Variants in RIT2 observed in about 807,000 individuals in gnomAD.
RIT2 encodes the protein GTP-binding protein Rit2.
RIT2 carries 24 observed loss-of-function variants against 23.7 expected under a neutral mutation model. The ratio of observed to expected loss-of-function variants is 1.01; its 90% CI spans 0.73 to 1.43. RIT2 has a LOEUF of 1.43. Among genes scored for constraint, RIT2 ranks in the 40% most tolerant of loss-of-function variants. The pLI is 0.00. For synonymous variants in RIT2, 107 were observed against 91.1 expected (o/e 1.17, Z -0.99); for missense variants, 236 against 266.9 (o/e 0.88, Z 0.81).
intron 1 of RIT2, among the ~76,000 whole-genome samples, chr18:43,081,587 C>G (rs1913159154): frequency 6.6e-6 from 1 of 152,096 alleles, no homozygotes; most frequent in South Asian, 2.1e-4. Flanking sequence ...CATGCCTCAT[C>G]CTTCCTGTTT....
At chr18:42,924,821 T>C (rs1342704125) in intron 3 of RIT2, among the ~76,000 whole-genome samples, 2 of 152,094 alleles carry the variant, frequency 1.3e-5, no homozygotes, top group Non-Finnish European at 2.9e-5. Flanking sequence ...TAAATGTCAA[T>C]TTGATTTACG....
chr18:42,983,030 T>A (rs1910631365), intron 2 of RIT2, among the ~76,000 whole-genome samples: 2 of 151,934 alleles, frequency 1.3e-5, no homozygotes, highest in African/African-American at 4.8e-5. Flanking sequence ...AATTCCACAA[T>A]ATAATGAATA....
chr18:42,997,440 C>G (rs138896475), intron 2 of RIT2, among the ~76,000 whole-genome samples: 1 of 148,676 alleles, frequency 6.7e-6, no homozygotes. Flanking sequence ...AAAAAAGGAA[C>G]GAAAGAAAGA....
At chr18:42,861,513 A>G (rs1193982486) in intron 4 of RIT2, among the ~76,000 whole-genome samples, 2 of 152,190 alleles carry the variant, frequency 1.3e-5, no homozygotes, top group African/African-American at 4.8e-5. Context: ...CTGTCATGAC[A>G]TCACCAACTA....
intron 4 of RIT2, among the ~76,000 whole-genome samples, chr18:42,862,319 C>T (rs562288564): frequency 1.1e-4 from 17 of 152,244 alleles, no homozygotes; most frequent in Middle Eastern, 3.4e-3. Flanking sequence ...CCTTGCCTTC[C>T]GCCATGATTG....
intron 4 of RIT2, among the ~76,000 whole-genome samples, chr18:42,768,052 A>C (rs1913467675): frequency 6.6e-6 from 1 of 151,994 alleles, no homozygotes; most frequent in African/African-American, 2.4e-5. Context: ...ACATGTATAT[A>C]TGTAGTAATA....
chr18:42,769,034 C>T (rs746924075), intron 4 of RIT2, among the ~76,000 whole-genome samples: 1 of 152,142 alleles, frequency 6.6e-6, no homozygotes, highest in African/African-American at 2.4e-5. Context: ...TAGCTTCTGA[C>T]CTAAACAGGC....
At chr18:43,048,551 A>G (rs1053137643) in intron 1 of RIT2, among the ~76,000 whole-genome samples, 1 of 152,208 alleles carries the variant, frequency 6.6e-6, no homozygotes, top group African/African-American at 2.4e-5. Context: ...AATAATACCC[A>G]CTATGGGGTT....
At chr18:42,940,538 A>G (rs925952649) in intron 3 of RIT2, among the ~76,000 whole-genome samples, 3 of 151,622 alleles carry the variant, frequency 2.0e-5, no homozygotes, top group African/African-American at 7.3e-5. Flanking sequence ...TATCTTTTCA[A>G]TGTAAGTAAG....
chr18:42,762,521 A>G (rs1193306040), intron 4 of RIT2, among the ~76,000 whole-genome samples: 3 of 152,202 alleles, frequency 2.0e-5, no homozygotes, highest in Non-Finnish European at 4.4e-5. Flanking sequence ...CAGATATTAA[A>G]GGTTTTTTAA....
chr18:43,046,238 G>GA (rs1205700646), intron 1 of RIT2, among the ~76,000 whole-genome samples: 3 of 151,870 alleles, frequency 2.0e-5, no homozygotes, highest in African/African-American at 7.3e-5. Flanking sequence ...CTGTTCAAAT[G>GA]AAAAAAGATG....
At chr18:43,052,589 A>G (rs570072121) in intron 1 of RIT2, among the ~76,000 whole-genome samples, 1 of 152,098 alleles carries the variant, frequency 6.6e-6, no homozygotes, top group Admixed American at 6.6e-5. Context: ...TGAACGAAAA[A>G]GTCCAGGGGC....
intron 4 of RIT2, among the ~76,000 whole-genome samples, chr18:42,888,008 G>C (rs1448670878): frequency 2.0e-5 from 3 of 152,094 alleles, no homozygotes; most frequent in African/African-American, 7.2e-5. Context: ...TTAGAGGAGA[G>C]AGAAGAATGA....
intron 3 of RIT2, among the ~76,000 whole-genome samples, chr18:42,949,430 TA>T (rs1909798786): frequency 6.6e-6 from 1 of 152,096 alleles, no homozygotes; most frequent in South Asian, 2.1e-4. Flanking sequence ...GAACATTACA[TA>T]AATGTTTCAA....
In RIT2 at chr18:42,927,369, GGTGTGTGTGTGT is replaced by G. The variant is rs60819423; in HGVS notation, c.235-3618_235-3607del. Among the ~76,000 whole-genome samples the G allele has an allele frequency of 2.4e-3, 348 of 147,926 alleles. 2 individuals carry two copies. The highest frequency in any genetic ancestry group is 7.9e-3 in the African/African-American group (316 of 40,022). On this transcript the variant is annotated intron_variant, in intron 3 of 4. Coordinates refer to ENST00000326695, the MANE Select transcript of RIT2 (RefSeq NM_002930.4). ...CGTATATATGTTTCCATGTGGATGT[GGTGTGTGTGTGT>G]GTGTGTGTGTGTGTGTGTGTGTGTA...
At chr18:42,913,229 A>G (rs1424412397) in intron 4 of RIT2, among the ~76,000 whole-genome samples, 6 of 151,766 alleles carry the variant, frequency 4.0e-5, no homozygotes, top group African/African-American at 1.4e-4. Flanking sequence ...ACAAAAAAAA[A>G]TGTTCAGAAT....
At chr18:42,891,276 A>G (rs1908167394) in intron 4 of RIT2, among the ~76,000 whole-genome samples, 1 of 152,148 alleles carries the variant, frequency 6.6e-6, no homozygotes, top group Admixed American at 6.6e-5. Flanking sequence ...AGGTACATCA[A>G]ACCATCTAGA....
chr18:42,981,980 A>G (rs1020595917), intron 2 of RIT2, among the ~76,000 whole-genome samples: 8 of 152,208 alleles, frequency 5.3e-5, no homozygotes, highest in African/African-American at 1.7e-4. Context: ...TGTCATGAAC[A>G]ACCTAAGTCC....
At chr18:43,113,470 A>G (rs1276897918) in intron 1 of RIT2, among the ~76,000 whole-genome samples, 2 of 152,194 alleles carry the variant, frequency 1.3e-5, no homozygotes, top group East Asian at 3.8e-4. Context: ...ATTGACTTCT[A>G]TTGTACAAAG....
Sources: gnomAD v4.1 joint callset for allele counts (sites outside exome capture counted in the v4.1 genomes callset) on GRCh38, gnomAD v4.1.1 for gene constraint, MANE v1.5 for transcripts, NCBI Gene and HGNC (gene_info 2026-07-23, HGNC 2026-07-21) for gene names.